Variants in FBXO11 observed in about 807,000 individuals in gnomAD.
FBXO11 encodes F-box protein 11.
In FBXO11, 13 loss-of-function variants were observed where a neutral mutation model predicts 117.0. The observed-to-expected ratio is 0.11, with a 90% CI of 0.07 to 0.18. The LOEUF (loss-of-function observed/expected upper bound fraction) is 0.18, where lower values mean the gene tolerates loss of function less well. Among genes scored for constraint, FBXO11 ranks in the 10% least tolerant of loss-of-function variants. FBXO11 has a pLI of 1.00. For synonymous variants in FBXO11, 490 were observed against 380.5 expected (o/e 1.29, Z -3.35); for missense variants, 767 against 1,164.4 (o/e 0.66, Z 4.97).
At chr2:47,885,048 G>C (rs746778367) in intron 1 of FBXO11, among the ~76,000 whole-genome samples, 12 of 152,176 alleles carry the variant, frequency 7.9e-5, no homozygotes, top group Admixed American at 2.0e-4. Context: ...CAGTGAATAA[G>C]ATGAACTTAC....
chr2:47,822,386 G>C (rs768822365), intron 12 of FBXO11, 83 bp from the exon 13 acceptor site: 3 of 780,038 alleles, frequency 3.8e-6, no homozygotes, highest in Non-Finnish European at 6.3e-6. Context: ...GCCCCTCATG[G>C]TCATATAACA....
chr2:47,819,101 A>T, intron 14 of FBXO11, 23 bp from the exon 15 acceptor site: 1 of 1,608,314 alleles, frequency 6.2e-7, no homozygotes, highest in Non-Finnish European at 8.5e-7. Flanking sequence ...TACACTGGTT[A>T]TAATATTTAT....
chr2:47,870,453 T>A (rs1236751619), intron 1 of FBXO11, among the ~76,000 whole-genome samples: 1 of 152,172 alleles, frequency 6.6e-6, no homozygotes, highest in East Asian at 1.9e-4. Flanking sequence ...GGGTGGGGCC[T>A]AATTCAATAG....
At chr2:47,813,571 A>G (rs1323959161) in intron 17 of FBXO11, among the ~76,000 whole-genome samples, 194 bp from the exon 18 acceptor site, 3 of 151,614 alleles carry the variant, frequency 2.0e-5, no homozygotes, top group Non-Finnish European at 4.4e-5. Context: ...AGCTGGGAAT[A>G]CAGGCGTGTG....
chr2:47,829,819 G>A lies in FBXO11; in HGVS notation c.1398+2530C>T, dbSNP rs112940063. On this transcript the variant is annotated intron_variant, in intron 11 of 22. Coordinates refer to ENST00000403359, the MANE Select transcript of FBXO11 (RefSeq NM_001190274.2). Reference sequence around the variant, plus strand: ...CAGAGTGTAAAAAAGGTAGTAAAACGTATGAGGTATACATTAAACAAAATT... The same window carrying A: ...CAGAGTGTAAAAAAGGTAGTAAAACATATGAGGTATACATTAAACAAAATT... Among the ~76,000 whole-genome samples, 25 of 152,180 alleles carry A rather than the reference G, an allele frequency of 1.6e-4. 1 individual carries two copies. The highest frequency in any genetic ancestry group is 6.0e-4 in the African/African-American group (25 of 41,526).
At chr2:47,813,728 C>G in intron 17 of FBXO11, 63 bp downstream of exon 17, 2 of 1,401,704 alleles carry the variant, frequency 1.4e-6, no homozygotes, top group South Asian at 1.2e-5. Context: ...CCACCGTGCC[C>G]GGCCTAGAAG....
intron 1 of FBXO11, among the ~76,000 whole-genome samples, chr2:47,871,406 G>A (rs766546787): frequency 3.3e-5 from 5 of 152,168 alleles, no homozygotes; most frequent in Admixed American, 1.3e-4. Context: ...AGCCCTGGCC[G>A]ACAGTTTGAG....
chr2:47,808,938 CCTCCCACTTCAGCCT>C (rs1218587453), intron 21 of FBXO11: 6 of 402,800 alleles, frequency 1.5e-5, no homozygotes, highest in African/African-American at 6.3e-5. Context: ...CTCCAGTGAT[CCTCCCACTTCAGCCT>C]CCCAAAGTGC....
intron 1 of FBXO11, among the ~76,000 whole-genome samples, chr2:47,867,132 CCT>C (rs768058936): frequency 2.0e-5 from 3 of 152,168 alleles, no homozygotes; most frequent in Non-Finnish European, 4.4e-5. Flanking sequence ...ATTATTCTCT[CCT>C]CTCTTTATTG....
intron 1 of FBXO11, among the ~76,000 whole-genome samples, chr2:47,881,703 G>T (rs991984191): frequency 6.6e-6 from 1 of 151,726 alleles, no homozygotes; most frequent in African/African-American, 2.4e-5. Context: ...ATATCATCAG[G>T]GTATACAATA....
At chr2:47,808,663 C>A in intron 21 of FBXO11, 1 of 410,712 alleles carries the variant, frequency 2.4e-6, no homozygotes, top group Non-Finnish European at 4.3e-6. Context: ...CAGTTCTTTC[C>A]ACTTTAAAAG....
chr2:47,873,259 G>A (rs1205205781), intron 1 of FBXO11, among the ~76,000 whole-genome samples: 1 of 152,186 alleles, frequency 6.6e-6, no homozygotes, highest in Non-Finnish European at 1.5e-5. Context: ...TAGGTTTGAA[G>A]GCCCTTCCCT....
At chr2:47,833,568 G>C (rs748155985) in intron 7 of FBXO11, among the ~76,000 whole-genome samples, 3 of 152,054 alleles carry the variant, frequency 2.0e-5, no homozygotes, top group Admixed American at 6.6e-5. Context: ...ATAATTACTA[G>C]CTATCTTAAA....
intron 1 of FBXO11, among the ~76,000 whole-genome samples, chr2:47,878,160 T>G (rs1327997252): frequency 6.6e-6 from 1 of 152,114 alleles, no homozygotes; most frequent in Non-Finnish European, 1.5e-5. Context: ...TTTTTCAGTT[T>G]TTTCCTGATT....
chr2:47,842,319 G>A (rs1403762039), intron 1 of FBXO11, among the ~76,000 whole-genome samples: 2 of 152,138 alleles, frequency 1.3e-5, no homozygotes, highest in East Asian at 1.9e-4. Context: ...CCGGCAGGAG[G>A]AGAATATAAT....
chr2:47,841,601 TA>T (rs1221352498), intron 1 of FBXO11, among the ~76,000 whole-genome samples: 1 of 152,180 alleles, frequency 6.6e-6, no homozygotes, highest in Non-Finnish European at 1.5e-5. Flanking sequence ...AGGAAAACTT[TA>T]TAAAACACAT....
chr2:47,840,558 C>T (rs1308735757), intron 1 of FBXO11, among the ~76,000 whole-genome samples: 1 of 150,912 alleles, frequency 6.6e-6, no homozygotes, highest in Non-Finnish European at 1.5e-5. Flanking sequence ...TCAAGCAATC[C>T]TCCTGCCTCA....
In FBXO11 at chr2:47,842,426, A is replaced by G. The variant is rs1347232032; in HGVS notation, c.233-2657T>C. On this transcript the variant is annotated intron_variant, in intron 1 of 22. Transcript: ENST00000403359. Reference sequence around the variant, plus strand: ...GATAATACCTTAATAATAACTCAACAAGCTGTGTATTTGTGTTTTATGTAG... The same window carrying G: ...GATAATACCTTAATAATAACTCAACGAGCTGTGTATTTGTGTTTTATGTAG... 3.9e-5 allele frequency among the ~76,000 whole-genome samples: 6 copies of G among 152,290 alleles called. No homozygotes were observed. The East Asian group carries it at 9.7e-4, about 25-fold the overall frequency.
rs556385533 is a variant in FBXO11 at position 47,818,606 on chromosome 2, TAGACC to T, written c.2006+168_2006+172del. ...TGTGCCAGTGGCTTCTGTCCTCACC[TAGACC>T]AAGGAAAGCTACATTCTGACAATTT... On this transcript the variant is annotated intron_variant, in intron 16 of 22. Transcript: ENST00000403359. 2.3e-4 allele frequency: 140 copies of T among 601,196 alleles called. No homozygotes were observed. The Middle Eastern group carries it at 2.4e-3, about 10-fold the overall frequency. 37.2% of individuals were successfully genotyped at this position (601,196 alleles called of 1,614,324 possible). A position where few individuals can be genotyped will look rare whatever the true frequency, so the allele number is the denominator to read the frequency against.
Sources: gnomAD v4.1 joint callset for allele counts (sites outside exome capture counted in the v4.1 genomes callset) on GRCh38, gnomAD v4.1.1 for gene constraint, MANE v1.5 for transcripts, NCBI Gene and HGNC (gene_info 2026-07-23, HGNC 2026-07-21) for gene names.